Variants in CLIC5 observed in about 807,000 individuals in gnomAD.
The protein encoded by CLIC5 is chloride intracellular channel protein 5.
A neutral mutation model predicts 24.7 loss-of-function variants in CLIC5; 20 were observed. That is an observed-to-expected ratio of 0.81 (90% confidence interval 0.57 to 1.18). The LOEUF (loss-of-function observed/expected upper bound fraction) is 1.18, where lower values mean the gene tolerates loss of function less well. CLIC5 is among the 50% of genes most tolerant of loss of function. The pLI is 0.00. For missense variants in CLIC5, 341 were observed against 326.1 expected, an observed-to-expected ratio of 1.05 and a Z score of -0.35; for synonymous variants, 159 against 135.6, an observed-to-expected ratio of 1.17 and a Z score of -1.20.
chr6:46,051,222 C>T (rs1279380546), intron 1 of CLIC5, among the ~76,000 whole-genome samples: 2 of 152,126 alleles, frequency 1.3e-5, no homozygotes, highest in African/African-American at 4.8e-5. Flanking sequence ...ATGCCCTGGC[C>T]CTTGGGGCAA....
the CLIC5 span, among the ~76,000 whole-genome samples, chr6:46,122,163 T>C: frequency 6.6e-6 from 1 of 152,296 alleles, no homozygotes; most frequent in African/African-American, 2.4e-5. Context: ...ATTCCAAAAC[T>C]GACCACATAG....
chr6:45,974,751 A>T (rs1765331054), intron 1 of CLIC5, among the ~76,000 whole-genome samples: 1 of 151,964 alleles, frequency 6.6e-6, no homozygotes, highest in Non-Finnish European at 1.5e-5. Flanking sequence ...CAAAATTCAA[A>T]ATATTTTGGA....
At chr6:46,014,703 C>G (rs1397504244) in intron 1 of CLIC5, 1 of 152,256 alleles carries the variant, frequency 6.6e-6, no homozygotes, top group African/African-American at 2.4e-5. Flanking sequence ...AGCCTCGCCT[C>G]CATCCTTCCT....
At position 45,902,930 on chromosome 6, in the gene CLIC5, T is replaced by TA. The variant is rs1762547535; in HGVS notation, c.*157_*158insT. 1 of 748,274 alleles carries TA rather than the reference T, an allele frequency of 1.3e-6. No individual in the cohort carries two copies. Among genetic ancestry groups the TA allele is most frequent in the Non-Finnish European group, 2.2e-6 (1 of 454,700 alleles). 46.4% of individuals were successfully genotyped at this position (748,274 alleles called of 1,614,324 possible). ...AGGCCAGGGATGGTGCTGACCTTCA[T>TA]GAAAGATAGCAGGCTGGAGTTCCCA... On this transcript the variant is annotated 3_prime_UTR_variant, in exon 6 of 6. Coordinates refer to ENST00000339561, the MANE Select transcript of CLIC5 (RefSeq NM_016929.5).
chr6:45,958,066 G>T (rs903722739), intron 1 of CLIC5, among the ~76,000 whole-genome samples: 1 of 152,102 alleles, frequency 6.6e-6, no homozygotes. Flanking sequence ...GGGAAACAGG[G>T]TCCTTGCAGG....
chr6:46,101,419 A>G, the CLIC5 span, among the ~76,000 whole-genome samples: 1 of 152,248 alleles, frequency 6.6e-6, no homozygotes, highest in Non-Finnish European at 1.5e-5. Flanking sequence ...TTGTGATTCT[A>G]GAATTGGGCG....
chr6:45,960,937 A>G (rs901712195), intron 1 of CLIC5, among the ~76,000 whole-genome samples: 4 of 152,192 alleles, frequency 2.6e-5, no homozygotes, highest in African/African-American at 9.7e-5. Flanking sequence ...GCCCTAGGGT[A>G]CCATAGAGAG....
the CLIC5 span, among the ~76,000 whole-genome samples, chr6:46,086,874 C>T: frequency 6.6e-6 from 1 of 152,188 alleles, no homozygotes; most frequent in Admixed American, 6.5e-5. Context: ...AGTCACTGTG[C>T]ACATGCCACT....
At chr6:46,008,265 G>A (rs539367193) in intron 1 of CLIC5, among the ~76,000 whole-genome samples, 5 of 152,088 alleles carry the variant, frequency 3.3e-5, no homozygotes, top group South Asian at 2.1e-4. Context: ...AGACAACCCC[G>A]TGTACTCATA....
chr6:45,938,284 C>T (rs1263152574), intron 4 of CLIC5, among the ~76,000 whole-genome samples: 1 of 152,194 alleles, frequency 6.6e-6, no homozygotes, highest in East Asian at 1.9e-4. Flanking sequence ...GACCGTAACA[C>T]AGGAGCCATG....
chr6:45,934,330 T>A (rs1176097130), intron 4 of CLIC5: 2 of 152,060 alleles, frequency 1.3e-5, no homozygotes, highest in African/African-American at 4.8e-5. Context: ...TATAAAGCCT[T>A]TCTGGAACAA....
the CLIC5 span, among the ~76,000 whole-genome samples, chr6:46,109,591 G>GC: frequency 7.3e-6 from 1 of 137,474 alleles, no homozygotes; most frequent in African/African-American, 2.8e-5. Context: ...AGCAATCAAA[G>GC]CAAGTATGAA....
At chr6:45,889,505 T>G (rs539266589) in intron 6 of CLIC5, among the ~76,000 whole-genome samples, 2 of 152,328 alleles carry the variant, frequency 1.3e-5, no homozygotes, top group South Asian at 4.1e-4. Flanking sequence ...ATACACTATG[T>G]GCTTTCGGGT....
At chr6:46,126,121 C>G in the CLIC5 span, among the ~76,000 whole-genome samples, 2 of 152,162 alleles carry the variant, frequency 1.3e-5, no homozygotes, top group African/African-American at 4.8e-5. Context: ...ACCAAGATAG[C>G]TGGCACCTTA....
chr6:46,014,890 C>T (rs2127445664), intron 1 of CLIC5, among the ~76,000 whole-genome samples: 1 of 152,318 alleles, frequency 6.6e-6, no homozygotes, highest in East Asian at 1.9e-4. Flanking sequence ...CTTGAAAAAT[C>T]ATGATTATGA....
the CLIC5 span, among the ~76,000 whole-genome samples, chr6:46,092,159 G>A: frequency 6.6e-6 from 1 of 152,132 alleles, no homozygotes; most frequent in Non-Finnish European, 1.5e-5. Context: ...AGGAAATTGA[G>A]TTTTGGGTAA....
At chr6:45,955,578 C>G (rs557907764) in intron 1 of CLIC5, among the ~76,000 whole-genome samples, 1 of 152,026 alleles carries the variant, frequency 6.6e-6, no homozygotes, top group Non-Finnish European at 1.5e-5. Context: ...AACATCTACA[C>G]CCCCAAGTAA....
intron 4 of CLIC5, among the ~76,000 whole-genome samples, chr6:45,938,620 A>AG (rs1412666204): frequency 1.3e-5 from 2 of 152,194 alleles, no homozygotes; most frequent in African/African-American, 4.8e-5. Flanking sequence ...AAACAGAAGA[A>AG]GGGGAAACAA....
intron 3 of CLIC5, among the ~76,000 whole-genome samples, chr6:45,947,590 T>TA (rs1345288438): frequency 6.6e-6 from 1 of 152,206 alleles, no homozygotes; most frequent in Non-Finnish European, 1.5e-5. Context: ...GTGCCAGTGT[T>TA]ACTTCTAAGA....
Sources: gnomAD v4.1 joint callset for allele counts (sites outside exome capture counted in the v4.1 genomes callset) on GRCh38, gnomAD v4.1.1 for gene constraint, MANE v1.5 for transcripts, NCBI Gene and HGNC (gene_info 2026-07-23, HGNC 2026-07-21) for gene names.